The following PPFIA4 variants were observed in gnomAD, a reference collection of about 807,000 sequenced individuals.
PPFIA4 encodes PPFI scaffold protein A4.
Under a neutral mutation model 145.7 loss-of-function variants are expected in PPFIA4, and 98 were observed. That is an observed-to-expected ratio of 0.67 (90% confidence interval 0.57 to 0.80). The LOEUF (loss-of-function observed/expected upper bound fraction) is 0.80. PPFIA4 is among the 30% of genes least tolerant of loss of function. The pLI is 0.00. For missense variants in PPFIA4, 1,457 were observed against 1,632.7 expected (o/e 0.89, Z 1.85); for synonymous variants, 628 against 649.6 (o/e 0.97, Z 0.51).
intron 14 of PPFIA4, 111 bp downstream of exon 14, chr1:203,051,988 C>CCT (rs3830381): frequency 0.37 from 446,724 of 1,198,508 alleles, 86,731 homozygotes; most frequent in Middle Eastern, 0.41. Context: ...CCTTCCCTCC[C>CCT]GTGTCAATGA....
chr1:203,064,784 G>GC (rs1661619173), intron 25 of PPFIA4, among the ~76,000 whole-genome samples: 1 of 152,216 alleles, frequency 6.6e-6, no homozygotes, highest in African/African-American at 2.4e-5. Context: ...GGATGGGTGG[G>GC]CCTGCTCCAG....
rs370298214 is a variant in PPFIA4, at chr1:203,075,439, G to T, written c.3394-138G>T. On this transcript the variant is annotated intron_variant, in intron 28 of 29. Transcript: ENST00000295706. This position sits in a 1 kb window ranked among gnomAD's most constrained non-coding sequence, Gnocchi z 4.1. ...TGGAAAAACTCAAGGCTAGAAAGGG[G>T]AAGTGACCTCGCTCCCTCTTTCCAA... The T allele has an allele frequency of 6.0e-5, 36 of 600,490 alleles. 2 individuals are homozygous for T. Among genetic ancestry groups the T allele is most frequent in the Admixed American group, 5.2e-4 (12 of 22,986 alleles). The allele number at this position is 600,490 out of a possible 1,614,324, so 37.2% of individuals were successfully genotyped here.
At position 203,055,538 on chromosome 1, in the gene PPFIA4, C is replaced by T. The variant is rs767433444; in HGVS notation, c.1936C>T (p.Arg646Cys). 8.1e-6 allele frequency: 13 copies of T among 1,613,918 alleles called. No individual in the cohort carries two copies. The highest frequency in any genetic ancestry group is 4.5e-5 in the East Asian group (2 of 44,886). ...CCTAAACCTGAAGCAGCTGCGCAAG[C>T]GTGGTTCCATCCCCACCTCTCTGAC... The part of the protein sequence containing the change: ...EALNLKQLRK[R>C]GSIPTSLTAL... The change falls in exon 16 of 30, where the codon CGT (arginine) becomes TGT (cysteine). Residue 646 changes from arginine to cysteine, a missense_variant. This residue lies in a region of PPFIA4 where 848 missense variants were observed against 1,046.7 expected (regional missense o/e 0.81). Transcript: ENST00000295706. This position sits in a 1 kb window ranked among gnomAD's most constrained non-coding sequence, Gnocchi z 4.8.
intron 14 of PPFIA4, among the ~76,000 whole-genome samples, 179 bp downstream of exon 14, chr1:203,052,056 C>CG (rs1571700758): frequency 4.0e-5 from 6 of 149,776 alleles, no homozygotes; most frequent in Admixed American, 2.7e-4. Flanking sequence ...CCCCCCCCCC[C>CG]GCTTGCCTTG....
chr1:203,071,784 GAGCC>G lies in PPFIA4; in HGVS notation c.3393+25_3393+28del, dbSNP rs1435302487. 2.5e-6 allele frequency: 4 copies of G among 1,583,756 alleles called. No individual in the cohort carries two copies. The African/African-American group carries it at 5.4e-5, about 21-fold the overall frequency. ...ACGTGAGTACCTGGCCATGAATTAG[GAGCC>G]TTGGGGATTTGGTCATCTTCGTTGG... On this transcript the variant is annotated intron_variant, in intron 28 of 29. Coordinates refer to ENST00000295706, the MANE Select transcript of PPFIA4 (RefSeq NM_001304331.2).
intron 15 of PPFIA4, among the ~76,000 whole-genome samples, chr1:203,054,701 C>T (rs895306679): frequency 2.8e-4 from 42 of 147,900 alleles, no homozygotes; most frequent in Admixed American, 2.3e-3. Context: ...CACACACACA[C>T]ATACACACAC....
chr1:203,045,671 A>G, intron 7 of PPFIA4, 112 bp downstream of exon 7: 1 of 1,448,840 alleles, frequency 6.9e-7, no homozygotes, highest in South Asian at 1.4e-5. Flanking sequence ...GCCTGGCTCC[A>G]TTGTTGGGGG....
At chr1:203,032,432 TG>T (rs1658916372) in intron 1 of PPFIA4, among the ~76,000 whole-genome samples, 22 of 146,224 alleles carry the variant, frequency 1.5e-4, no homozygotes, top group East Asian at 4.0e-4. Flanking sequence ...CCCGCTTTTT[TG>T]TTGTTGTTGT....
At chr1:203,057,064 C>T (rs1661021130) in intron 19 of PPFIA4, 114 bp downstream of exon 19, 3 of 1,540,968 alleles carry the variant, frequency 1.9e-6, no homozygotes, top group South Asian at 2.5e-5. Flanking sequence ...TGGGGGAAGC[C>T]CCAGGCAGGT....
rs888942806 is a variant in PPFIA4, at chr1:203,075,410, C to G, written c.3394-167C>G. Among the ~76,000 whole-genome samples the G allele has an allele frequency of 7.9e-5, 12 of 151,816 alleles. No individual in the cohort carries two copies. The highest frequency in any genetic ancestry group is 2.7e-4 in the African/African-American group (11 of 41,338). On this transcript the variant is annotated intron_variant, in intron 28 of 29. Coordinates refer to ENST00000295706, the MANE Select transcript of PPFIA4 (RefSeq NM_001304331.2). The surrounding 1 kb of genome is among the most constrained non-coding windows in gnomAD (Gnocchi z 4.1). ...TCGCAGGGTTTCCCGATTCACTGTA[C>G]AGATGGAAAAACTCAAGGCTAGAAA...
intron 1 of PPFIA4, among the ~76,000 whole-genome samples, chr1:203,031,186 T>C (rs1256088262): frequency 6.6e-6 from 1 of 152,124 alleles, no homozygotes. Flanking sequence ...GTCTCCCGAG[T>C]AGCTGGGAAT....
chr1:203,043,556 G>C lies in PPFIA4; in HGVS notation c.336+58G>C. On this transcript the variant is annotated intron_variant, in intron 3 of 29. Coordinates refer to ENST00000295706, the MANE Select transcript of PPFIA4 (RefSeq NM_001304331.2). This position sits in a 1 kb window ranked among gnomAD's most constrained non-coding sequence, Gnocchi z 4.4. Reference sequence around the variant, plus strand: ...CACGTGTGTGTGTGTGTGTATGGGGGTGTGTTGTGAACACCTTGACCAAGA... The same window carrying C: ...CACGTGTGTGTGTGTGTGTATGGGGCTGTGTTGTGAACACCTTGACCAAGA... 6.8e-7 allele frequency: 1 copy of C among 1,469,848 alleles called. No individual in the cohort carries two copies. The highest frequency in any genetic ancestry group is 9.3e-7 in the Non-Finnish European group (1 of 1,071,572). 91.1% of individuals were successfully genotyped at this position (1,469,848 alleles called of 1,614,324 possible).
intron 13 of PPFIA4, chr1:203,051,045 TCA>T: frequency 1.4e-6 from 1 of 733,692 alleles, no homozygotes; most frequent in Non-Finnish European, 1.7e-6. Flanking sequence ...CTGTGTCCCT[TCA>T]CTCTGGACTC....
Position 203,044,101 on chromosome 1 carries a change from C to A in PPFIA4, c.501+6C>A. ...ACAAGGCCCTGGATGAGAAGGTGCC[C>A]ACCTGCCCGCCAGCCCCCACATCCA... On this transcript the variant is annotated splice_donor_region_variant and intron_variant, in intron 4 of 29. Coordinates refer to ENST00000295706, the MANE Select transcript of PPFIA4 (RefSeq NM_001304331.2). 6.4e-7 allele frequency: 1 copy of A among 1,569,370 alleles called. No individual in the cohort carries two copies. The highest frequency in any genetic ancestry group is 8.6e-7 in the Non-Finnish European group (1 of 1,157,412).
chr1:203,051,692 T>C, intron 13 of PPFIA4, 77 bp from the exon 14 acceptor site: 2 of 1,533,150 alleles, frequency 1.3e-6, no homozygotes, highest in Non-Finnish European at 8.8e-7. Flanking sequence ...ATCCCTTGAC[T>C]CTTTGGGCCC....
At chr1:203,058,707 C>G (rs1661148045) in intron 19 of PPFIA4, among the ~76,000 whole-genome samples, 1 of 152,154 alleles carries the variant, frequency 6.6e-6, no homozygotes, top group African/African-American at 2.4e-5. Flanking sequence ...TGCATGTTCC[C>G]CTTTGTGGTT....
At chr1:203,063,065 A>G (rs1335199127) in intron 24 of PPFIA4, 1 of 152,230 alleles carries the variant, frequency 6.6e-6, no homozygotes, top group East Asian at 1.9e-4. Flanking sequence ...AACAAAATAG[A>G]CTTTTTCTAT....
chr1:203,039,259 T>G lies in PPFIA4; in HGVS notation c.234+17T>G. On this transcript the variant is annotated intron_variant, in intron 2 of 29. Coordinates refer to ENST00000295706, the MANE Select transcript of PPFIA4 (RefSeq NM_001304331.2). The stretch of plus-strand genomic sequence containing the variant: ...CTCCCCCAGGTAAGGCCCGAAGGCC[T>G]GCGTCTCTCTTAACCCCTTTCCCTC... 6.5e-7 allele frequency: 1 copy of G among 1,540,646 alleles called. No individual in the cohort carries two copies. Among genetic ancestry groups the G allele is most frequent in the Non-Finnish European group, 8.7e-7 (1 of 1,143,804 alleles).
chr1:203,060,044 A>C lies in PPFIA4; in HGVS notation c.2584-173A>C, dbSNP rs776903640. Among the ~76,000 whole-genome samples, 1 of 152,116 alleles carries C rather than the reference A, an allele frequency of 6.6e-6. No homozygotes were observed. Among genetic ancestry groups the C allele is most frequent in the African/African-American group, 2.4e-5 (1 of 41,418 alleles). Reference sequence around the variant, plus strand: ...CCAGTCGCAGGAGAGAGTTGATGCTACTTTTAATCTGTAAAATGGGAGAGT... The same window carrying C: ...CCAGTCGCAGGAGAGAGTTGATGCTCCTTTTAATCTGTAAAATGGGAGAGT... On this transcript the variant is annotated intron_variant, in intron 21 of 29. Coordinates refer to ENST00000295706, the MANE Select transcript of PPFIA4 (RefSeq NM_001304331.2). This position sits in a 1 kb window ranked among gnomAD's most constrained non-coding sequence, Gnocchi z 4.8.
Sources: gnomAD v4.1 joint callset for allele counts (sites outside exome capture counted in the v4.1 genomes callset) on GRCh38, gnomAD v4.1.1 for gene constraint, gnomAD v4.1.1 regional missense constraint, Gnocchi (gnomAD v3.1) non-coding constraint, MANE v1.5 for transcripts, NCBI Gene and HGNC (gene_info 2026-07-23, HGNC 2026-07-21) for gene names.